ATP8A2: variants seen among roughly 807,000 people sequenced by gnomAD.
ATP8A2 encodes the protein ATPase phospholipid transporting 8A2.
ATP8A2 carries 100 observed loss-of-function variants against 165.6 expected under a neutral mutation model. The observed-to-expected ratio is 0.60, with a 90% confidence interval of 0.51 to 0.71. ATP8A2 has a LOEUF of 0.71. Among genes scored for constraint, ATP8A2 ranks in the 30% least tolerant of loss-of-function variants. The pLI is 0.00. For synonymous variants in ATP8A2, 543 were observed against 548.8 expected (o/e 0.99, Z 0.15); for missense variants, 1,227 against 1,479.5 (o/e 0.83, Z 2.80).
chr13:25,849,203 C>T (rs563369939), intron 30 of ATP8A2, among the ~76,000 whole-genome samples: 2 of 152,310 alleles, frequency 1.3e-5, no homozygotes, highest in South Asian at 4.1e-4. Context: ...AGTTCTCCCT[C>T]CTGAGCCCTG....
At chr13:25,547,834 C>T (rs1276403120) in intron 10 of ATP8A2, among the ~76,000 whole-genome samples, 1 of 152,112 alleles carries the variant, frequency 6.6e-6, no homozygotes, top group Non-Finnish European at 1.5e-5. Context: ...GACATTTTGA[C>T]CTGTTTCTAT....
chr13:25,572,517 T>G (rs1055888563), intron 18 of ATP8A2, among the ~76,000 whole-genome samples: 4 of 152,216 alleles, frequency 2.6e-5, no homozygotes, highest in Admixed American at 1.3e-4. Flanking sequence ...TTTCTGAGTT[T>G]CCTTACCTAC....
At chr13:25,455,177 G>C (rs1018253226) in intron 1 of ATP8A2, among the ~76,000 whole-genome samples, 1 of 152,192 alleles carries the variant, frequency 6.6e-6, no homozygotes, top group African/African-American at 2.4e-5. Flanking sequence ...CCTGATACAG[G>C]GGTGTGGCCC....
chr13:25,763,564 A>G (rs996643842), intron 25 of ATP8A2, among the ~76,000 whole-genome samples: 1 of 152,000 alleles, frequency 6.6e-6, no homozygotes, highest in Non-Finnish European at 1.5e-5. Context: ...ATGCACCCCC[A>G]TTCCTGCCAC....
chr13:26,006,456 T>C (rs939612429), intron 35 of ATP8A2, among the ~76,000 whole-genome samples: 2 of 152,068 alleles, frequency 1.3e-5, no homozygotes, highest in African/African-American at 4.8e-5. Context: ...CATGTACAAA[T>C]AGAGATAGTT....
At chr13:26,006,394 C>T (rs372914794) in intron 35 of ATP8A2, among the ~76,000 whole-genome samples, 26 of 151,922 alleles carry the variant, frequency 1.7e-4, no homozygotes, top group South Asian at 1.5e-3. Context: ...TATTAACTCC[C>T]GTAATTTGAA....
intron 1 of ATP8A2, among the ~76,000 whole-genome samples, chr13:25,434,990 C>A (rs1202000275): frequency 6.6e-6 from 1 of 152,142 alleles, no homozygotes; most frequent in African/African-American, 2.4e-5. Context: ...GCTTCAGGCC[C>A]TCTGCTCTTC....
At chr13:25,735,019 A>T (rs770835841) in intron 25 of ATP8A2, among the ~76,000 whole-genome samples, 1 of 152,180 alleles carries the variant, frequency 6.6e-6, no homozygotes, top group Non-Finnish European at 1.5e-5. Flanking sequence ...TCTGATGGTC[A>T]GGTGAAACTC....
chr13:25,940,853 C>T (rs558024265), intron 33 of ATP8A2, among the ~76,000 whole-genome samples: 5 of 152,322 alleles, frequency 3.3e-5, no homozygotes, highest in East Asian at 3.9e-4. Flanking sequence ...GCTCCGTGAC[C>T]CATCGTGCCT....
At chr13:25,921,400 G>A (rs1007461358) in intron 33 of ATP8A2, among the ~76,000 whole-genome samples, 15 of 151,478 alleles carry the variant, frequency 9.9e-5, no homozygotes, top group African/African-American at 1.9e-4. Flanking sequence ...GGTGGATCAC[G>A]AGGTCAGAAG....
chr13:25,669,013 T>A (rs1206902539), intron 24 of ATP8A2, among the ~76,000 whole-genome samples: 1 of 152,232 alleles, frequency 6.6e-6, no homozygotes, highest in African/African-American at 2.4e-5. Context: ...AGTTGTTGTC[T>A]AGTAAGCCCA....
intron 24 of ATP8A2, among the ~76,000 whole-genome samples, chr13:25,644,308 G>A (rs1344432435): frequency 3.9e-5 from 6 of 151,968 alleles, no homozygotes; most frequent in Non-Finnish European, 8.8e-5. Context: ...CTTTTCCTAC[G>A]TCTAATGAGA....
rs535472942 is a variant in ATP8A2 at position 25,687,233 on chromosome 13, A to T, written c.2212-11940A>T. ...TTCAGCACCTGCTGTTTGCTAGGTG[A>T]TTGGTTTGTTTGCTTTTTTCACCCA... On this transcript the variant is annotated intron_variant, in intron 24 of 36. Coordinates refer to ENST00000381655, the MANE Select transcript of ATP8A2 (RefSeq NM_016529.6). Among the ~76,000 whole-genome samples, 6 of 152,220 alleles carry T rather than the reference A, an allele frequency of 3.9e-5. No homozygotes were observed. In the South Asian group the frequency reaches 1.2e-3, roughly 32 times the overall value.
At chr13:25,983,153 C>T (rs1442103261) in intron 35 of ATP8A2, among the ~76,000 whole-genome samples, 2 of 152,188 alleles carry the variant, frequency 1.3e-5, no homozygotes, top group African/African-American at 4.8e-5. Flanking sequence ...GATGCACCTT[C>T]TGTGTGTCTG....
At chr13:25,737,129 C>G (rs999669513) in intron 25 of ATP8A2, among the ~76,000 whole-genome samples, 1 of 151,974 alleles carries the variant, frequency 6.6e-6, no homozygotes, top group Non-Finnish European at 1.5e-5. Context: ...AGTTCTAGGC[C>G]GTGTTTCCTG....
At chr13:25,606,419 C>CT (rs1208988571) in intron 24 of ATP8A2, among the ~76,000 whole-genome samples, 4 of 152,154 alleles carry the variant, frequency 2.6e-5, no homozygotes, top group African/African-American at 9.7e-5. Flanking sequence ...AAACTAAAGC[C>CT]TACTCTATAA....
chr13:25,882,058 T>C (rs561322929), intron 33 of ATP8A2, among the ~76,000 whole-genome samples: 2 of 152,282 alleles, frequency 1.3e-5, no homozygotes, highest in East Asian at 3.9e-4. Context: ...TTAATTCAAT[T>C]TGAGGCAGGA....
intron 24 of ATP8A2, among the ~76,000 whole-genome samples, chr13:25,625,548 G>A (rs1342963956): frequency 1.3e-5 from 2 of 152,216 alleles, no homozygotes; most frequent in Non-Finnish European, 2.9e-5. Context: ...TTTGAGCAGT[G>A]AGTAGTGAAG....
At chr13:25,461,525 A>G (rs17082351) in intron 1 of ATP8A2, among the ~76,000 whole-genome samples, 31,224 of 152,126 alleles carry the variant, frequency 0.21, 3,336 homozygotes, top group East Asian at 0.3. Flanking sequence ...AGGCTTTGTA[A>G]TGACTGCACT....
Sources: allele counts gnomAD v4.1 joint callset (sites outside exome capture counted in the v4.1 genomes callset), GRCh38; gene constraint gnomAD v4.1.1; transcripts MANE v1.5; gene names NCBI Gene and HGNC (gene_info 2026-07-23, HGNC 2026-07-21).